Variants in GLUD1 observed in about 807,000 individuals in gnomAD.
The protein encoded by GLUD1 is glutamate dehydrogenase 1, also known as glutamate dehydrogenase 1, mitochondrial.
Under a neutral mutation model 56.0 loss-of-function variants are expected in GLUD1, and 22 were observed. The observed-to-expected ratio is 0.39, with a 90% CI of 0.28 to 0.56. The LOEUF is 0.56. Ranked by LOEUF, GLUD1 falls within the 20% of genes least tolerant of loss-of-function variation. The pLI is 0.58. For missense variants in GLUD1, 451 were observed against 732.0 expected (o/e 0.62, Z 4.43); for synonymous variants, 223 against 269.9 (o/e 0.83, Z 1.70).
chr10:87,076,182 CAACATTTTGTTG>C (rs921906564), intron 2 of GLUD1, among the ~76,000 whole-genome samples, 159 bp from the exon 3 acceptor site: 1 of 152,146 alleles, frequency 6.6e-6, no homozygotes, highest in African/African-American at 2.4e-5. Context: ...GTACTTTAAA[CAACATTTTGTTG>C]AACAGAAATT....
At chr10:87,089,210 C>A (rs1041812346) in intron 1 of GLUD1, among the ~76,000 whole-genome samples, 63 of 152,256 alleles carry the variant, frequency 4.1e-4, no homozygotes, top group Non-Finnish European at 1.2e-4. Flanking sequence ...TCTCAATCAG[C>A]GCTTACAATT....
Position 87,052,668 on chromosome 10 carries a change from T to TAAAAAAAAAAAA in GLUD1, c.1557+673_1557+674insTTTTTTTTTTTT, listed in dbSNP as rs1285140190. Among the ~76,000 whole-genome samples, 37 of 16,564 alleles carry TAAAAAAAAAAAA rather than the reference T, an allele frequency of 2.2e-3. 1 individual carries two copies. The highest frequency in any genetic ancestry group is 3.6e-3 in the Non-Finnish European group (23 of 6,408). 10.9% of individuals were successfully genotyped at this position (16,564 alleles called of 152,430 possible). On this transcript the variant is annotated intron_variant, in intron 12 of 12. Transcript: ENST00000277865. Reference sequence around the variant, plus strand: ...CTGGGCAACAGGGCAAAACTCCGTCTCAAAAAAAAAAAAAAAAAAAAAAAA... The same window carrying TAAAAAAAAAAAA: ...CTGGGCAACAGGGCAAAACTCCGTCTAAAAAAAAAAAACAAAAAAAAAAAAAAAAAAAAAAAA...
At chr10:87,073,381 T>C (rs544680992) in intron 4 of GLUD1, among the ~76,000 whole-genome samples, 1 of 152,130 alleles carries the variant, frequency 6.6e-6, no homozygotes, top group African/African-American at 2.4e-5. Context: ...CTCGAACTTC[T>C]GGGCTCAAGT....
chr10:87,070,236 T>G (rs1194824067), intron 4 of GLUD1, among the ~76,000 whole-genome samples: 1 of 151,518 alleles, frequency 6.6e-6, no homozygotes, highest in African/African-American at 2.4e-5. Context: ...GAGGATGGCT[T>G]GAGTCCAGGA....
rs768726421 is a variant in GLUD1 at position 87,062,751 on chromosome 10, C to T, written c.826G>A (p.Val276Ile). 43 of 1,614,030 alleles carry T rather than the reference C, an allele frequency of 2.7e-5. No homozygotes were observed. Among genetic ancestry groups the T allele is most frequent in the Non-Finnish European group, 3.2e-5 (38 of 1,180,020 alleles). ...ATGAAATTTTCAATCCCATGGAAGA[C>T]ACCACGGCCAGTAGCAGAGATGCGT... ...HGRISATGRGVFHGIENFINE... is the reference protein window; with the variant it reads ...HGRISATGRGIFHGIENFINE... Residue 276 changes from valine (V) to isoleucine (I), a missense_variant, in exon 6 of 13, where the codon GTC becomes ATC. By Grantham distance (29) the Val-to-Ile change is conservative. Around this residue, in one of 4 missense-constraint regions of GLUD1, gnomAD observed 248 missense variants for 460.0 expected, o/e 0.54. Transcript: ENST00000277865.
At chr10:87,071,103 T>G (rs970438228) in intron 4 of GLUD1, among the ~76,000 whole-genome samples, 6 of 151,256 alleles carry the variant, frequency 4.0e-5, no homozygotes, top group African/African-American at 1.2e-4. Flanking sequence ...CACTCCAGCC[T>G]GGGTGACACA....
intron 10 of GLUD1, among the ~76,000 whole-genome samples, chr10:87,058,380 TCA>T (rs1213580175): frequency 6.6e-6 from 1 of 152,142 alleles, no homozygotes; most frequent in Admixed American, 6.5e-5. Flanking sequence ...ACCCAGATTC[TCA>T]CAGTGGGCTG....
chr10:87,083,434 A>G (rs1381144857), intron 1 of GLUD1, among the ~76,000 whole-genome samples: 3 of 152,200 alleles, frequency 2.0e-5, no homozygotes, highest in African/African-American at 7.2e-5. Flanking sequence ...AAAGTCAAAT[A>G]ATAGGAAAAT....
intron 4 of GLUD1, among the ~76,000 whole-genome samples, chr10:87,070,861 T>C (rs12761256): frequency 6.6e-6 from 1 of 151,402 alleles, no homozygotes; most frequent in Non-Finnish European, 1.5e-5. Flanking sequence ...CCGGGTGCGG[T>C]GCTCATGCCT....
At position 87,060,988 on chromosome 10, in the gene GLUD1, G is replaced by A; in HGVS notation, c.986C>T (p.Ala329Val). The change falls in exon 7 of 13, where the codon GCT becomes GTT. Residue 329 changes from alanine to valine, a missense_variant. By Grantham distance (64) the Ala-to-Val change is moderately conservative. Coordinates refer to ENST00000277865, the MANE Select transcript of GLUD1 (RefSeq NM_005271.5). ...YLHRFGAKCI[A>V]VGESDGSIWN... The stretch of plus-strand genomic sequence containing the variant: ...TATACTCCCATCAGACTCACCAACA[G>A]CAATACATTTAGCACCAAAACGATG... 4 of 1,613,804 alleles carry A rather than the reference G, an allele frequency of 2.5e-6. No homozygotes were observed. Among genetic ancestry groups the A allele is most frequent in the Non-Finnish European group, 3.4e-6 (4 of 1,179,718 alleles).
chr10:87,088,794 T>C (rs1338026537), intron 1 of GLUD1, among the ~76,000 whole-genome samples: 1 of 152,252 alleles, frequency 6.6e-6, no homozygotes, highest in Non-Finnish European at 1.5e-5. Context: ...CAAAGCATTT[T>C]CTTAGTTTTT....
intron 1 of GLUD1, among the ~76,000 whole-genome samples, chr10:87,079,723 T>C (rs1367093732): frequency 6.6e-6 from 1 of 152,098 alleles, no homozygotes; most frequent in African/African-American, 2.4e-5. Context: ...ATCTCAACTA[T>C]TACCACTGCT....
intron 5 of GLUD1, among the ~76,000 whole-genome samples, chr10:87,065,383 A>G (rs1846049675): frequency 6.6e-6 from 1 of 151,826 alleles, no homozygotes; most frequent in Admixed American, 6.6e-5. Context: ...CTGGGATTAC[A>G]GGCGTGAGCC....
At chr10:87,079,932 CT>C in intron 1 of GLUD1, among the ~76,000 whole-genome samples, 1 of 130,084 alleles carries the variant, frequency 7.7e-6, no homozygotes, top group African/African-American at 3.2e-5. Flanking sequence ...CCCTCCCCCT[CT>C]CCCTCTCCCT....
At chr10:87,060,304 G>A in intron 8 of GLUD1, 63 bp from the exon 9 acceptor site, 1 of 1,054,766 alleles carries the variant, frequency 9.5e-7, no homozygotes, top group Non-Finnish European at 1.5e-6. Context: ...TCCACTGAGG[G>A]CAAGAGATGT....
intron 1 of GLUD1, among the ~76,000 whole-genome samples, chr10:87,084,119 A>AACCC (rs977879891): frequency 2.7e-4 from 41 of 152,120 alleles, no homozygotes; most frequent in Admixed American, 1.4e-3. Context: ...AAGACACACC[A>AACCC]CCCATGACGT....
At chr10:87,075,597 C>G (rs146296407) in intron 3 of GLUD1, among the ~76,000 whole-genome samples, 1 of 152,252 alleles carries the variant, frequency 6.6e-6, no homozygotes, top group East Asian at 1.9e-4. Flanking sequence ...CCAGTAATTT[C>G]AAGTCCTTCA....
At chr10:87,091,412 CT>C (rs1841507340) in intron 1 of GLUD1, among the ~76,000 whole-genome samples, 1 of 152,184 alleles carries the variant, frequency 6.6e-6, no homozygotes, top group Non-Finnish European at 1.5e-5. Flanking sequence ...ATAATTTACT[CT>C]GGGAAAGTTA....
rs760808833 is a variant in GLUD1, at chr10:87,061,073, T to A, written c.922-21A>T. 1.9e-6 allele frequency: 3 copies of A among 1,609,830 alleles called. No individual in the cohort carries two copies. In the South Asian group the frequency reaches 3.3e-5, roughly 18 times the overall value. Reference sequence around the variant, plus strand: ...AATCCCTGTGAAGAACAATTACCCATAACACAAAAATTAAAGTCCTGGTAT... The same window carrying A: ...AATCCCTGTGAAGAACAATTACCCAAAACACAAAAATTAAAGTCCTGGTAT... On this transcript the variant is annotated intron_variant, in intron 6 of 12. Coordinates refer to ENST00000277865, the MANE Select transcript of GLUD1 (RefSeq NM_005271.5).
Sources: allele counts gnomAD v4.1 joint callset (sites outside exome capture counted in the v4.1 genomes callset), GRCh38; gene constraint gnomAD v4.1.1; regional missense constraint gnomAD v4.1.1; transcripts MANE v1.5; gene names NCBI Gene and HGNC (gene_info 2026-07-23, HGNC 2026-07-21).